FSTL4: variants seen among roughly 807,000 people sequenced by gnomAD.
FSTL4 encodes follistatin-related protein 4.
FSTL4 carries 28 observed loss-of-function variants against 78.2 expected under a neutral mutation model. The observed-to-expected ratio is 0.36, with a 90% confidence interval of 0.27 to 0.49. The LOEUF is 0.49. FSTL4 is among the 20% of genes least tolerant of loss of function. FSTL4 has a pLI of 0.98. For synonymous variants in FSTL4, 422 were observed against 440.5 expected (o/e 0.96, Z 0.53); for missense variants, 922 against 1,084.9 (o/e 0.85, Z 2.11).
rs1380160390 is a variant in FSTL4 at position 133,611,311 on chromosome 5, G to A, written c.-11+1014C>T. The stretch of plus-strand genomic sequence containing the variant: ...GGAAAACAAGAAACCCCACTGCCTC[G>A]GCGGCTTTCCGCTCCCGCAAGAGTT... On this transcript the variant is annotated intron_variant, in intron 1 of 15. Coordinates refer to ENST00000265342, the MANE Select transcript of FSTL4 (RefSeq NM_015082.2). This position sits in a 1 kb window ranked among gnomAD's most constrained non-coding sequence, Gnocchi z 4.9. Among the ~76,000 whole-genome samples the A allele has an allele frequency of 1.3e-5, 2 of 152,288 alleles. No homozygotes were observed. Among genetic ancestry groups the A allele is most frequent in the East Asian group, 1.9e-4 (1 of 5,150 alleles).
the FSTL4 span, among the ~76,000 whole-genome samples, chr5:133,802,582 C>T: frequency 6.6e-6 from 1 of 152,230 alleles, no homozygotes; most frequent in African/African-American, 2.4e-5. Context: ...CTCCCAGCTA[C>T]ACACATGTAA....
intron 4 of FSTL4, among the ~76,000 whole-genome samples, chr5:133,385,132 C>T (rs909066499): frequency 3.2e-4 from 48 of 152,302 alleles, no homozygotes; most frequent in African/African-American, 1.1e-3. Context: ...GGCCCTCTCA[C>T]ACTCCTCTTG....
chr5:133,394,692 C>T lies in FSTL4; in HGVS notation c.409+6046G>A, dbSNP rs13162632. 6.6e-3 allele frequency among the ~76,000 whole-genome samples: 1,003 copies of T among 152,338 alleles called. 10 individuals carry two copies. The highest frequency in any genetic ancestry group is 0.028 in the South Asian group (135 of 4,830). Reference sequence around the variant, plus strand: ...CCCCAACGAGCGCCGCCACCTGCTCCGTGGCACCAGGTCCCATTGACCGCC... The same window carrying T: ...CCCCAACGAGCGCCGCCACCTGCTCTGTGGCACCAGGTCCCATTGACCGCC... On this transcript the variant is annotated intron_variant, in intron 4 of 15. Transcript: ENST00000265342.
At chr5:133,763,765 G>A in the FSTL4 span, among the ~76,000 whole-genome samples, 2 of 152,302 alleles carry the variant, frequency 1.3e-5, no homozygotes, top group East Asian at 3.9e-4. Flanking sequence ...GAAATATGAA[G>A]TGAGGAGGCA....
At chr5:133,753,042 A>G in the FSTL4 span, among the ~76,000 whole-genome samples, 1 of 152,238 alleles carries the variant, frequency 6.6e-6, no homozygotes, top group African/African-American at 2.4e-5. Context: ...AAAGAAAACT[A>G]CACCACAATG....
the FSTL4 span, among the ~76,000 whole-genome samples, chr5:133,741,183 C>T: frequency 6.6e-5 from 10 of 152,186 alleles, no homozygotes; most frequent in Non-Finnish European, 1.0e-4. Context: ...TCCTGGTCAA[C>T]CAAGTGTCTT....
intron 14 of FSTL4, among the ~76,000 whole-genome samples, chr5:133,206,482 C>T (rs907757381): frequency 3.9e-5 from 6 of 152,154 alleles, no homozygotes; most frequent in Non-Finnish European, 8.8e-5. Context: ...CTGCCTCAGC[C>T]TCCTGAGTCG....
intron 7 of FSTL4, among the ~76,000 whole-genome samples, chr5:133,239,306 C>A (rs1246079068): frequency 1.3e-5 from 2 of 150,222 alleles, no homozygotes; most frequent in East Asian, 4.0e-4. Context: ...TGCTCCAGGG[C>A]GCCCAGTCCC....
chr5:133,461,385 A>G lies in FSTL4; in HGVS notation c.161-60399T>C, dbSNP rs79178363. ...ATTTTGGCCTCTTGCAAGGGACTTA[A>G]TTACATTTCTAGGTAGTTTACTGGA... On this transcript the variant is annotated intron_variant, in intron 3 of 15. Transcript: ENST00000265342. 4.6e-5 allele frequency among the ~76,000 whole-genome samples: 7 copies of G among 152,332 alleles called. No individual in the cohort carries two copies. The East Asian group carries it at 1.3e-3, about 29-fold the overall frequency.
At chr5:133,431,764 A>T (rs920597332) in intron 3 of FSTL4, among the ~76,000 whole-genome samples, 2 of 152,202 alleles carry the variant, frequency 1.3e-5, no homozygotes, top group South Asian at 4.1e-4. Context: ...TTTGGGGGTA[A>T]TTTGTTACAC....
At chr5:133,355,698 CACA>C (rs1245755576) in intron 4 of FSTL4, among the ~76,000 whole-genome samples, 3 of 152,162 alleles carry the variant, frequency 2.0e-5, no homozygotes, top group Non-Finnish European at 2.9e-5. Flanking sequence ...CAAACAACAA[CACA>C]ACAATGCCTA....
At chr5:133,504,138 C>T (rs1758563821) in intron 3 of FSTL4, among the ~76,000 whole-genome samples, 2 of 152,104 alleles carry the variant, frequency 1.3e-5, no homozygotes, top group African/African-American at 4.8e-5. Context: ...ATGGGAACTA[C>T]AATTCAAGAT....
chr5:133,421,456 A>G (rs1366462419), intron 3 of FSTL4, among the ~76,000 whole-genome samples: 1 of 152,224 alleles, frequency 6.6e-6, no homozygotes, highest in Non-Finnish European at 1.5e-5. Flanking sequence ...TGCTGTCTGT[A>G]TACTTTCCCT....
At chr5:133,385,955 G>A (rs1489014180) in intron 4 of FSTL4, among the ~76,000 whole-genome samples, 1 of 152,066 alleles carries the variant, frequency 6.6e-6, no homozygotes, top group African/African-American at 2.4e-5. Context: ...AATTATACAT[G>A]TAAGAGATGT....
intron 3 of FSTL4, among the ~76,000 whole-genome samples, chr5:133,405,235 T>C (rs781649479): frequency 6.6e-6 from 1 of 152,200 alleles, no homozygotes; most frequent in Non-Finnish European, 1.5e-5. Context: ...AATGAGGTGA[T>C]GGCTTGGCTC....
At chr5:133,685,897 G>A in the FSTL4 span, among the ~76,000 whole-genome samples, 4 of 152,130 alleles carry the variant, frequency 2.6e-5, no homozygotes, top group East Asian at 5.8e-4. Context: ...ACATACTCCC[G>A]ATTCATTTAT....
the FSTL4 span, among the ~76,000 whole-genome samples, chr5:133,695,879 G>C: frequency 2.6e-5 from 4 of 152,214 alleles, no homozygotes; most frequent in African/African-American, 4.8e-5. Flanking sequence ...AGTAAGGTCT[G>C]TTCTTCCCAT....
intron 3 of FSTL4, among the ~76,000 whole-genome samples, chr5:133,564,246 A>C (rs1301071931): frequency 1.3e-5 from 2 of 152,186 alleles, no homozygotes; most frequent in Non-Finnish European, 2.9e-5. Flanking sequence ...CTATTTCCAA[A>C]TAAGGTTCCA....
At chr5:133,674,591 GTGTGTGTGTGTGTGTGTGTC>G in the FSTL4 span, among the ~76,000 whole-genome samples, 778 of 150,338 alleles carry the variant, frequency 5.2e-3, 4 homozygotes, top group Middle Eastern at 0.037. Context: ...CCATATGTGT[GTGTGTGTGTGTGTGTGTGTC>G]TGTGTGTGTG....
Sources: gnomAD v4.1 joint callset for allele counts (sites outside exome capture counted in the v4.1 genomes callset) on GRCh38, gnomAD v4.1.1 for gene constraint, Gnocchi (gnomAD v3.1) non-coding constraint, MANE v1.5 for transcripts, NCBI Gene and HGNC (gene_info 2026-07-23, HGNC 2026-07-21) for gene names.